The following ACSS2 variants were observed in gnomAD, a reference collection of about 807,000 sequenced individuals.
ACSS2 encodes the protein acyl-CoA synthetase short chain family member 2, also known as acetyl-coenzyme A synthetase, cytoplasmic.
In ACSS2, 58 loss-of-function variants were observed where a neutral mutation model predicts 90.6. The observed-to-expected ratio is 0.64, with a 90% CI of 0.52 to 0.80. The LOEUF (loss-of-function observed/expected upper bound fraction) is 0.80. Ranked by LOEUF, ACSS2 falls within the 30% of genes least tolerant of loss-of-function variation. The pLI, the probability that ACSS2 is intolerant of heterozygous loss-of-function variation, is 0.00. For synonymous variants in ACSS2, 300 were observed against 330.9 expected (o/e 0.91, Z 1.01); for missense variants, 759 against 912.0 (o/e 0.83, Z 2.16).
At chr20:34,896,333 A>G (rs1178738363) in intron 2 of ACSS2, among the ~76,000 whole-genome samples, 1 of 152,202 alleles carries the variant, frequency 6.6e-6, no homozygotes, top group Non-Finnish European at 1.5e-5. Context: ...GCCTCTTCAC[A>G]GAGTCCCAGA....
chr20:34,876,408 C>G, upstream of ACSS2: 2 of 395,728 alleles, frequency 5.1e-6, no homozygotes, highest in East Asian at 7.5e-5. Context: ...GGCAAGTCAG[C>G]TCCACCCCTA....
chr20:34,905,549 C>T (rs1352215362), intron 2 of ACSS2, among the ~76,000 whole-genome samples: 2 of 152,308 alleles, frequency 1.3e-5, no homozygotes, highest in African/African-American at 2.4e-5. Context: ...CGTGAGCCAC[C>T]GTGCCTGGCC....
At chr20:34,893,333 C>T (rs1387312568) in intron 2 of ACSS2, among the ~76,000 whole-genome samples, 1 of 152,032 alleles carries the variant, frequency 6.6e-6, no homozygotes, top group Non-Finnish European at 1.5e-5. Flanking sequence ...TCCTGAGTAG[C>T]TAGGAGCACA....
chr20:34,907,857 A>G (rs970036876), intron 2 of ACSS2, among the ~76,000 whole-genome samples: 9 of 152,112 alleles, frequency 5.9e-5, no homozygotes, highest in African/African-American at 2.2e-4. Flanking sequence ...CATCCCTAGG[A>G]GGGTTAAAGC....
rs1428052681 is a variant in ACSS2, at chr20:34,925,746, A to T, written c.1706A>T (p.Asp569Val). 6.2e-7 allele frequency: 1 copy of T among 1,613,456 alleles called. No homozygotes were observed. Among genetic ancestry groups the T allele is most frequent in the Non-Finnish European group, 8.5e-7 (1 of 1,179,800 alleles). Residue 569 changes from aspartate to valine, a missense_variant, in exon 15 of 18, where the codon GAT (aspartate) becomes GTT (valine). Transcript: ENST00000360596. ...DGYYWITGRI[D>V]DMLNVSGHLL... ...TATTACTGGATCACTGGCAGGATTG[A>T]TGACATGCTCAATGTATCTGGTGAG... is the stretch of plus-strand genomic sequence containing the variant.
chr20:34,921,012 G>A lies in ACSS2; in HGVS notation c.1150G>A (p.Gly384Arg). The change falls in exon 10 of 18, where the codon GGG becomes AGG. Residue 384 changes from glycine (G) to arginine (R), a missense_variant. Transcript: ENST00000360596. ...ACCAGCCTTCATGGGTCAGTTTGAGGGGATTCCCACATATCCGGACGTGAA... is the reference window on the plus strand; with the variant it reads ...ACCAGCCTTCATGGGTCAGTTTGAGAGGATTCCCACATATCCGGACGTGAA... ...ANGATSVLFE[G>R]IPTYPDVNRL... is the part of the protein sequence containing the mutation. 1.2e-6 allele frequency: 2 copies of A among 1,614,142 alleles called. No homozygotes were observed. Among genetic ancestry groups the A allele is most frequent in the Non-Finnish European group, 1.7e-6 (2 of 1,180,026 alleles).
chr20:34,916,056 T>G (rs1212307222), intron 7 of ACSS2, among the ~76,000 whole-genome samples: 1 of 152,194 alleles, frequency 6.6e-6, no homozygotes, highest in Admixed American at 6.5e-5. Context: ...TCACAGGGTG[T>G]CTTACTCTAA....
chr20:34,893,520 A>G (rs2080386778), intron 2 of ACSS2: 2 of 149,772 alleles, frequency 1.3e-5, no homozygotes, highest in South Asian at 4.2e-4. Flanking sequence ...TTACAGGCAC[A>G]CACCACCATG....
Position 34,914,303 on chromosome 20 carries a change from T to G in ACSS2, c.720-20T>G. On this transcript the variant is annotated intron_variant, in intron 6 of 17. Coordinates refer to ENST00000360596, the MANE Select transcript of ACSS2 (RefSeq NM_018677.4). ...CTTTGAGCCAACAAGGCTACCACTTTAGGCTTTTCTCTTCTCCAGGGGTTT... is the reference window on the plus strand; with the variant it reads ...CTTTGAGCCAACAAGGCTACCACTTGAGGCTTTTCTCTTCTCCAGGGGTTT... 1 of 1,610,574 alleles carries G rather than the reference T, an allele frequency of 6.2e-7. No individual in the cohort carries two copies. Among genetic ancestry groups the G allele is most frequent in the Non-Finnish European group, 8.5e-7 (1 of 1,177,916 alleles).
At chr20:34,899,166 G>A (rs1289993857) in intron 2 of ACSS2, among the ~76,000 whole-genome samples, 2 of 152,216 alleles carry the variant, frequency 1.3e-5, no homozygotes, top group Non-Finnish European at 2.9e-5. Flanking sequence ...CGCAGCCCCG[G>A]TTCCCGCTCG....
chr20:34,906,454 GAGAA>G (rs1367646896), intron 2 of ACSS2, among the ~76,000 whole-genome samples: 1 of 152,042 alleles, frequency 6.6e-6, no homozygotes, highest in Non-Finnish European at 1.5e-5. Flanking sequence ...GTGTATGTCA[GAGAA>G]AGAAGACACT....
intron 2 of ACSS2, among the ~76,000 whole-genome samples, chr20:34,897,445 A>G (rs756627038): frequency 6.6e-5 from 10 of 152,214 alleles, no homozygotes; most frequent in African/African-American, 1.4e-4. Context: ...GATGTTTCAT[A>G]TAAATGGAAT....
At chr20:34,896,961 C>T (rs931187872) in intron 2 of ACSS2, among the ~76,000 whole-genome samples, 6 of 151,474 alleles carry the variant, frequency 4.0e-5, no homozygotes, top group African/African-American at 1.5e-4. Context: ...ACCCGGGAGG[C>T]GGAGGTTGCA....
At chr20:34,901,019 T>C (rs544358820) in intron 2 of ACSS2, among the ~76,000 whole-genome samples, 11 of 152,344 alleles carry the variant, frequency 7.2e-5, no homozygotes, top group African/African-American at 2.4e-4. Context: ...TTGATATTTA[T>C]AGTAATTAAA....
In ACSS2 at chr20:34,882,937, C is replaced by G; in HGVS notation, c.322C>G (p.Leu108Val). Residue 108 changes from leucine (L) to valine (V), a missense_variant, in exon 2 of 18, where the codon CTG becomes GTG. Physicochemically the swap from Leu to Val is conservative, Grantham distance 32. Coordinates refer to ENST00000360596, the MANE Select transcript of ACSS2 (RefSeq NM_018677.4). ...AACTACCAACATCTGCTACAATGTA[C>G]TGGATCGAAATGTCCATGAGAAAAA... Reference protein sequence around the residue: ...GATTNICYNVLDRNVHEKKLG... With the variant: ...GATTNICYNVVDRNVHEKKLG... 1 of 1,612,964 alleles carries G rather than the reference C, an allele frequency of 6.2e-7. No homozygotes were observed. The highest frequency in any genetic ancestry group is 8.5e-7 in the Non-Finnish European group (1 of 1,179,688).
chr20:34,883,422 T>C (rs1568962522), intron 2 of ACSS2, among the ~76,000 whole-genome samples: 1 of 152,244 alleles, frequency 6.6e-6, no homozygotes, highest in African/African-American at 2.4e-5. Flanking sequence ...ATAATAATTA[T>C]GAAAGCACTA....
intron 2 of ACSS2, among the ~76,000 whole-genome samples, chr20:34,885,654 A>C (rs923557111): frequency 2.6e-5 from 4 of 152,218 alleles, no homozygotes; most frequent in African/African-American, 9.7e-5. Context: ...TATATTAGAG[A>C]TACCTGATTA....
intron 2 of ACSS2, among the ~76,000 whole-genome samples, chr20:34,897,065 G>T (rs556520353): frequency 1.6e-4 from 24 of 151,906 alleles, no homozygotes; most frequent in Non-Finnish European, 2.1e-4. Context: ...AGGCAAGAAT[G>T]AATGAATGAA....
chr20:34,902,216 A>G (rs1400872766), intron 2 of ACSS2, among the ~76,000 whole-genome samples: 1 of 152,216 alleles, frequency 6.6e-6, no homozygotes, highest in Non-Finnish European at 1.5e-5. Flanking sequence ...AACAAGACCA[A>G]CTTGGCCTCT....
Sources: allele counts gnomAD v4.1 joint callset (sites outside exome capture counted in the v4.1 genomes callset), GRCh38; gene constraint gnomAD v4.1.1; transcripts MANE v1.5; gene names NCBI Gene and HGNC (gene_info 2026-07-23, HGNC 2026-07-21).